Variants in LCP2 observed in about 807,000 individuals in gnomAD.
The protein encoded by LCP2 is lymphocyte cytosolic protein 2.
Under a neutral mutation model 74.5 loss-of-function variants are expected in LCP2, and 29 were observed. The ratio of observed to expected loss-of-function variants is 0.39; its 90% CI spans 0.29 to 0.53. The LOEUF is 0.53. Among genes scored for constraint, LCP2 ranks in the 20% least tolerant of loss-of-function variants. The pLI is 0.72. For synonymous variants in LCP2, 228 were observed against 229.5 expected (o/e 0.99, Z 0.06); for missense variants, 604 against 634.6 (o/e 0.95, Z 0.52).
chr5:170,280,149 T>TA (rs1013091969), intron 3 of LCP2, among the ~76,000 whole-genome samples: 1 of 152,096 alleles, frequency 6.6e-6, no homozygotes, highest in African/African-American at 2.4e-5. Context: ...GCTCACATAG[T>TA]AAGAGCTTTG....
chr5:170,249,172 A>C (rs1761368011), intron 20 of LCP2, among the ~76,000 whole-genome samples: 1 of 151,928 alleles, frequency 6.6e-6, no homozygotes, highest in African/African-American at 2.4e-5. Flanking sequence ...AAAATAGAAA[A>C]ATATTAGCTG....
chr5:170,275,697 C>A, intron 4 of LCP2, 98 bp downstream of exon 4: 1 of 1,026,234 alleles, frequency 9.7e-7, no homozygotes, highest in Non-Finnish European at 1.5e-6. Flanking sequence ...GGGACAAATG[C>A]AGATCAAAAA....
At chr5:170,289,697 CTTTCCT>C (rs1762253850) in intron 2 of LCP2, among the ~76,000 whole-genome samples, 19 of 133,696 alleles carry the variant, frequency 1.4e-4, no homozygotes, top group South Asian at 5.3e-4. Context: ...TTCTTTCTTT[CTTTCCT>C]TCTTTCTTTC....
intron 3 of LCP2, among the ~76,000 whole-genome samples, chr5:170,277,285 C>T (rs1362606583): frequency 6.6e-6 from 1 of 152,106 alleles, no homozygotes; most frequent in Non-Finnish European, 1.5e-5. Context: ...CCTGGCCTGC[C>T]TATGAGAACG....
intron 3 of LCP2, among the ~76,000 whole-genome samples, chr5:170,284,178 C>T (rs1020387982): frequency 1.6e-4 from 24 of 152,192 alleles, no homozygotes; most frequent in African/African-American, 5.8e-4. Context: ...CTCAAATGCC[C>T]TCAAGGGCCA....
chr5:170,253,385 C>T (rs992377807), intron 17 of LCP2, among the ~76,000 whole-genome samples, 172 bp from the exon 18 acceptor site: 1 of 152,082 alleles, frequency 6.6e-6, no homozygotes, highest in African/African-American at 2.4e-5. Flanking sequence ...TGTTTGAAAC[C>T]ATGGGGGCTG....
chr5:170,252,983 C>A (rs551343666), intron 18 of LCP2, 136 bp downstream of exon 18: 2 of 620,678 alleles, frequency 3.2e-6, no homozygotes, highest in East Asian at 5.7e-5. Context: ...GGATCTTCTC[C>A]TTTAACTTTT....
chr5:170,288,034 A>G lies in LCP2; in HGVS notation c.142-18T>C, dbSNP rs315721. The G allele has an allele frequency of 0.32, 511,753 of 1,611,306 alleles. 82,776 individuals are homozygous for G. The highest frequency in any genetic ancestry group is 0.41 in the East Asian group (18,191 of 44,850). The stretch of plus-strand genomic sequence containing the variant: ...GTCAGGTTCTGAAATGAAGACACAT[A>G]TGGCAGGCAGGTTACAACCCACAGA... On this transcript the variant is annotated intron_variant, in intron 2 of 20. Transcript: ENST00000046794.
At position 170,262,854 on chromosome 5, in the gene LCP2, ATCGAGGGCTGCAAGACAGGAGGAAAAAT is replaced by A. The variant is rs1274354261; in HGVS notation, c.799-21_805del. The A allele has an allele frequency of 6.2e-7, 1 of 1,613,952 alleles. No homozygotes were observed. Among genetic ancestry groups the A allele is most frequent in the Non-Finnish European group, 8.5e-7 (1 of 1,179,904 alleles). On this transcript the variant is annotated splice_acceptor_variant and splice_polypyrimidine_tract_variant and coding_sequence_variant and intron_variant, in exon 12 of 21. Transcript: ENST00000046794. LOFTEE classifies it high-confidence loss of function. ...GCAACAGTCTTACCTTCCCGCTGGA[ATCGAGGGCTGCAAGACAGGAGGAAAAAT>A]GTATGAGTGTCCAAGCACTTTTCAA...
At chr5:170,275,768 G>A in intron 4 of LCP2, 27 bp downstream of exon 4, 1 of 1,558,780 alleles carries the variant, frequency 6.4e-7, no homozygotes, top group Non-Finnish European at 8.7e-7. Flanking sequence ...GAAAAATCTT[G>A]CGTTTCCTTA....
intron 3 of LCP2, among the ~76,000 whole-genome samples, chr5:170,277,136 G>T (rs1187165491): frequency 1.3e-5 from 2 of 149,026 alleles, no homozygotes; most frequent in Non-Finnish European, 1.5e-5. Flanking sequence ...AGTGGTAAAG[G>T]CCACCCCTTT....
chr5:170,277,161 C>T (rs555145900), intron 3 of LCP2, among the ~76,000 whole-genome samples: 12 of 151,912 alleles, frequency 7.9e-5, no homozygotes, highest in African/African-American at 2.9e-4. Context: ...ACAACTCACA[C>T]CAGCACCACA....
At chr5:170,272,787 A>G (rs1212538656) in intron 6 of LCP2, among the ~76,000 whole-genome samples, 1 of 150,686 alleles carries the variant, frequency 6.6e-6, no homozygotes, top group African/African-American at 2.4e-5. Flanking sequence ...TAATTTTTGT[A>G]TTTTTTAGTA....
chr5:170,290,976 G>A (rs1304985209), intron 2 of LCP2, among the ~76,000 whole-genome samples: 1 of 79,800 alleles, frequency 1.3e-5, no homozygotes, highest in Non-Finnish European at 2.7e-5. Context: ...AAGAAAGAAA[G>A]AAAGAAAGAA....
In LCP2 at chr5:170,256,138, G is replaced by C. The variant is rs1439519543; in HGVS notation, c.1150+388C>G. On this transcript the variant is annotated intron_variant, in intron 17 of 20. Coordinates refer to ENST00000046794, the MANE Select transcript of LCP2 (RefSeq NM_005565.5). This position sits in a 1 kb window ranked among gnomAD's most constrained non-coding sequence, Gnocchi z 4.5. ...ATTGGGGATGAGGGCTGGCTTCCTG[G>C]TGAAGTGTGTGTAGGTGTGTCCATG... is the stretch of plus-strand genomic sequence containing the variant. 2.6e-5 allele frequency among the ~76,000 whole-genome samples: 4 copies of C among 152,126 alleles called. No individual in the cohort carries two copies. Among genetic ancestry groups the C allele is most frequent in the Non-Finnish European group, 5.9e-5 (4 of 68,006 alleles).
chr5:170,252,310 G>T, intron 19 of LCP2, 124 bp downstream of exon 19: 3 of 525,282 alleles, frequency 5.7e-6, no homozygotes, highest in East Asian at 3.0e-5. Flanking sequence ...GGGTCTCCTA[G>T]GTATTACAGA....
At chr5:170,274,963 C>G (rs1581068179) in intron 5 of LCP2, among the ~76,000 whole-genome samples, 1 of 142,156 alleles carries the variant, frequency 7.0e-6, no homozygotes. Context: ...GGCGACAGAG[C>G]GAGACTCTGT....
In LCP2 at chr5:170,257,547, G is replaced by A. The variant is rs975842973; in HGVS notation, c.1100+490C>T. Among the ~76,000 whole-genome samples the A allele has an allele frequency of 3.3e-5, 5 of 152,208 alleles. No individual in the cohort carries two copies. The East Asian group carries it at 9.7e-4, about 29-fold the overall frequency. ...ATGACTGGGCCTTTCTCCTGTTCAT[G>A]CATCTGCCCCTGGGCGGCCTCATAC... On this transcript the variant is annotated intron_variant, in intron 16 of 20. Coordinates refer to ENST00000046794, the MANE Select transcript of LCP2 (RefSeq NM_005565.5).
chr5:170,296,980 T>A (rs1762400440), intron 1 of LCP2, among the ~76,000 whole-genome samples: 1 of 152,218 alleles, frequency 6.6e-6, no homozygotes, highest in South Asian at 2.1e-4. Flanking sequence ...GCACTGCTCA[T>A]CATAGTCCTC....
Sources: gnomAD v4.1 joint callset for allele counts (sites outside exome capture counted in the v4.1 genomes callset) on GRCh38, gnomAD v4.1.1 for gene constraint, Gnocchi (gnomAD v3.1) non-coding constraint, MANE v1.5 for transcripts, NCBI Gene and HGNC (gene_info 2026-07-23, HGNC 2026-07-21) for gene names.